GALNT10: variants seen among roughly 807,000 people sequenced by gnomAD.
The protein encoded by GALNT10 is polypeptide N-acetylgalactosaminyltransferase 10.
Under a neutral mutation model 75.0 loss-of-function variants are expected in GALNT10, and 41 were observed. The ratio of observed to expected loss-of-function variants is 0.55; its 90% CI spans 0.43 to 0.71. The LOEUF is 0.71. Ranked by LOEUF, GALNT10 falls within the 30% of genes least tolerant of loss-of-function variation. The pLI is 0.00. For synonymous variants in GALNT10, 302 were observed against 313.0 expected (o/e 0.96, Z 0.37); for missense variants, 727 against 818.5 (o/e 0.89, Z 1.36).
intron 1 of GALNT10, among the ~76,000 whole-genome samples, chr5:154,235,241 T>A (rs1268438576): frequency 1.3e-5 from 2 of 152,114 alleles, no homozygotes; most frequent in Admixed American, 6.6e-5. Context: ...TAGCTGCAGA[T>A]AAATAAAATG....
intron 4 of GALNT10, among the ~76,000 whole-genome samples, chr5:154,354,043 C>T (rs1451244296): frequency 6.6e-6 from 1 of 152,156 alleles, no homozygotes; most frequent in Non-Finnish European, 1.5e-5. Flanking sequence ...GAATCGCAAC[C>T]CACCAGTACT....
Position 154,386,793 on chromosome 5 carries a change from A to G in GALNT10, c.1056+363A>G, listed in dbSNP as rs527591235. 554 of 471,818 alleles carry G rather than the reference A, an allele frequency of 1.2e-3. 2 individuals carry two copies. The highest frequency in any genetic ancestry group is 0.01 in the African/African-American group (510 of 49,430). The allele number at this position is 471,818 out of a possible 1,614,324, so 29.2% of individuals were successfully genotyped here. A position where few individuals can be genotyped will look rare whatever the true frequency, so the allele number is the denominator to read the frequency against. On this transcript the variant is annotated intron_variant, in intron 7 of 11. Transcript: ENST00000297107. The stretch of plus-strand genomic sequence containing the variant: ...TGGGCCAGAGAAGCTAGGAAGGCCA[A>G]ACAGGATACGTAGGCCTAGAGGAGT...
At chr5:154,346,255 A>G (rs1473716477) in intron 4 of GALNT10, among the ~76,000 whole-genome samples, 1 of 152,012 alleles carries the variant, frequency 6.6e-6, no homozygotes, top group African/African-American at 2.4e-5. Context: ...TAGTACTGCA[A>G]TGAACATGGC....
intron 1 of GALNT10, among the ~76,000 whole-genome samples, chr5:154,292,225 C>T (rs969635829): frequency 9.9e-5 from 15 of 152,180 alleles, no homozygotes; most frequent in African/African-American, 2.4e-4. Context: ...CAAACCTCAG[C>T]GTGTATCAGA....
rs535216930 is a variant in GALNT10 at position 154,395,299 on chromosome 5, G to A, written c.1057-8805G>A. 5.3e-5 allele frequency among the ~76,000 whole-genome samples: 8 copies of A among 152,366 alleles called. No homozygotes were observed. The East Asian group carries it at 1.3e-3, about 26-fold the overall frequency. On this transcript the variant is annotated intron_variant, in intron 7 of 11. Transcript: ENST00000297107. ...AGGCAGAACAGCACAGTATTACACA[G>A]ATGGGCTTCAGCATCAAACTGCCTG...
At chr5:154,209,193 A>G (rs1379640175) in intron 1 of GALNT10, among the ~76,000 whole-genome samples, 1 of 152,214 alleles carries the variant, frequency 6.6e-6, no homozygotes, top group Non-Finnish European at 1.5e-5. Context: ...TGGAGAGGCC[A>G]TGCACGCTGC....
chr5:154,372,984 A>G (rs566089581), intron 4 of GALNT10, among the ~76,000 whole-genome samples: 1 of 152,314 alleles, frequency 6.6e-6, no homozygotes, highest in Admixed American at 6.5e-5. Context: ...AGGGGTAATA[A>G]GGATAAAAAC....
chr5:154,280,062 G>A (rs1375659329), intron 1 of GALNT10, among the ~76,000 whole-genome samples: 1 of 152,112 alleles, frequency 6.6e-6, no homozygotes, highest in Admixed American at 6.5e-5. Flanking sequence ...ATACAAAATA[G>A]AATATTTTTC....
chr5:154,199,516 T>C (rs1456821567), intron 1 of GALNT10, among the ~76,000 whole-genome samples: 1 of 152,196 alleles, frequency 6.6e-6, no homozygotes, highest in Non-Finnish European at 1.5e-5. Flanking sequence ...CAGGCTCCAG[T>C]TCAGGACAGG....
intron 4 of GALNT10, chr5:154,347,255 C>G: frequency 2.1e-6 from 1 of 471,098 alleles, no homozygotes. Context: ...GTAAACTGGA[C>G]AAGCGCATGG....
rs928872710 is a variant in GALNT10 at position 154,418,080 on chromosome 5, G to A, written c.*1108G>A. On this transcript the variant is annotated 3_prime_UTR_variant, in exon 12 of 12. Transcript: ENST00000297107. ...GATTCTGGTATTCCACATCCAATAT[G>A]GATTTCTAGAATGCTGTGATTAAAG... 1.3e-5 allele frequency: 2 copies of A among 152,208 alleles called. No individual in the cohort carries two copies. Among genetic ancestry groups the A allele is most frequent in the African/African-American group, 4.8e-5 (2 of 41,450 alleles). The allele number at this position is 152,208 out of a possible 1,614,324, so 9.4% of individuals were successfully genotyped here.
At chr5:154,356,387 G>A in intron 4 of GALNT10, 1 of 349,478 alleles carries the variant, frequency 2.9e-6, no homozygotes, top group Admixed American at 3.9e-5. Flanking sequence ...TTGGGTATGA[G>A]AAAGGCTCTG....
intron 1 of GALNT10, among the ~76,000 whole-genome samples, chr5:154,290,258 ATTTTTTTTTTTTTTT>A (rs71577131): frequency 1.0e-5 from 1 of 98,918 alleles, no homozygotes; most frequent in Non-Finnish European, 1.9e-5. Flanking sequence ...CACTCAGCTA[ATTTTTTTTTTTTTTT>A]TTTTTTTTTT....
At chr5:154,212,338 G>A (rs926960178) in intron 1 of GALNT10, among the ~76,000 whole-genome samples, 8 of 152,212 alleles carry the variant, frequency 5.3e-5, no homozygotes, top group Non-Finnish European at 1.2e-4. Flanking sequence ...AATAATGATA[G>A]CATTTGAACA....
intron 1 of GALNT10, among the ~76,000 whole-genome samples, chr5:154,263,130 G>A (rs1753725714): frequency 6.6e-6 from 1 of 152,138 alleles, no homozygotes; most frequent in African/African-American, 2.4e-5. Flanking sequence ...ATATGACCCA[G>A]CAGTCCCACT....
rs187544249 is a variant in GALNT10, at chr5:154,261,804, G to A, written c.160-33012G>A. 4.2e-3 allele frequency among the ~76,000 whole-genome samples: 634 copies of A among 152,264 alleles called. 1 individual carries two copies. The highest frequency in any genetic ancestry group is 6.3e-3 in the Non-Finnish European group (429 of 68,022). On this transcript the variant is annotated intron_variant, in intron 1 of 11. Transcript: ENST00000297107. ...AGCTCACAGCAAAAATGCAAAATCC[G>A]TACCTATTTAGCTTACGATTGTGCC...
intron 1 of GALNT10, among the ~76,000 whole-genome samples, chr5:154,263,837 TC>T (rs1220689955): frequency 2.0e-5 from 3 of 152,130 alleles, no homozygotes; most frequent in Non-Finnish European, 4.4e-5. Context: ...ACATATGAAT[TC>T]CAGAGGGGAC....
In GALNT10 at chr5:154,338,127, G is replaced by A. The variant is rs1223572629; in HGVS notation, c.568+8389G>A. 8 of 942,962 alleles carry A rather than the reference G, an allele frequency of 8.5e-6. No individual in the cohort carries two copies. The Admixed American group carries it at 1.0e-4, about 12-fold the overall frequency. 58.4% of individuals were successfully genotyped at this position (942,962 alleles called of 1,614,324 possible). A position where few individuals can be genotyped will look rare whatever the true frequency, so the allele number is the denominator to read the frequency against. On this transcript the variant is annotated intron_variant, in intron 4 of 11. Coordinates refer to ENST00000297107, the MANE Select transcript of GALNT10 (RefSeq NM_198321.4). Reference sequence around the variant, plus strand: ...GCAAATATCTTTTTCACAGTTGAGTGGGCACCTGGTCTTTGAGAATCGCCT... The same window carrying A: ...GCAAATATCTTTTTCACAGTTGAGTAGGCACCTGGTCTTTGAGAATCGCCT...
intron 3 of GALNT10, among the ~76,000 whole-genome samples, chr5:154,307,713 A>T (rs961402055): frequency 1.3e-5 from 2 of 151,998 alleles, no homozygotes; most frequent in Non-Finnish European, 2.9e-5. Flanking sequence ...AACCAGCATT[A>T]TCCTGATACC....
Sources: allele counts gnomAD v4.1 joint callset (sites outside exome capture counted in the v4.1 genomes callset), GRCh38; gene constraint gnomAD v4.1.1; transcripts MANE v1.5; gene names NCBI Gene and HGNC (gene_info 2026-07-23, HGNC 2026-07-21).